The following GLI3 variants were observed in gnomAD, a reference collection of about 807,000 sequenced individuals.
GLI3 encodes transcription activator GLI3.
In GLI3, 20 loss-of-function variants were observed where a neutral mutation model predicts 100.8. The ratio of observed to expected loss-of-function variants is 0.20; its 90% CI spans 0.14 to 0.29. The LOEUF (loss-of-function observed/expected upper bound fraction) is 0.29, where lower values mean the gene tolerates loss of function less well. GLI3 is among the 10% of genes least tolerant of loss of function. The probability of loss-of-function intolerance (pLI) is 1.00; values close to 1 mark genes in which losing one functional copy is unlikely to be tolerated. For synonymous variants in GLI3, 938 were observed against 860.5 expected (o/e 1.09, Z -1.58); for missense variants, 2,040 against 2,128.5 (o/e 0.96, Z 0.82).
At chr7:42,217,262 G>A (rs1458432276) in intron 2 of GLI3, among the ~76,000 whole-genome samples, 1 of 152,154 alleles carries the variant, frequency 6.6e-6, no homozygotes, top group African/African-American at 2.4e-5. Context: ...AGGGGTCAAA[G>A]GTGATGGTGC....
At chr7:41,984,333 G>A (rs1433129017) in intron 10 of GLI3, among the ~76,000 whole-genome samples, 7 of 152,074 alleles carry the variant, frequency 4.6e-5, no homozygotes, top group East Asian at 3.9e-4. Context: ...TCCATGGCTC[G>A]CAGCTCTCCA....
In GLI3 at chr7:42,045,437, G is replaced by A. The variant is rs1784225891; in HGVS notation, c.773C>T (p.Ala258Val). The A allele has an allele frequency of 1.9e-6, 3 of 1,613,894 alleles. No homozygotes were observed. The highest frequency in any genetic ancestry group is 2.5e-6 in the Non-Finnish European group (3 of 1,179,722). Residue 258 changes from alanine to valine, a missense_variant, in exon 6 of 15, where the codon GCT becomes GTT. Coordinates refer to ENST00000395925, the MANE Select transcript of GLI3 (RefSeq NM_000168.6). The stretch of plus-strand genomic sequence containing the variant: ...GATGGCCCCCGTGCCGGCGGTGGCA[G>A]CTGAGGGAATAATGTCTGCATAGGG... Reference protein sequence around the residue: ...RSPYADIIPSAATAGTGAIHM... With the variant: ...RSPYADIIPSVATAGTGAIHM...
At chr7:42,232,662 T>A (rs1035061251) in intron 1 of GLI3, among the ~76,000 whole-genome samples, 11 of 152,226 alleles carry the variant, frequency 7.2e-5, no homozygotes, top group Non-Finnish European at 1.6e-4. Context: ...TTTTCTTTTT[T>A]AATTATGACT....
At chr7:42,225,827 T>A (rs140407180) in intron 1 of GLI3, among the ~76,000 whole-genome samples, 388 of 152,316 alleles carry the variant, frequency 2.5e-3, no homozygotes, top group African/African-American at 8.6e-3. Flanking sequence ...CTCTCCTTCA[T>A]CTGGAAAAGT....
chr7:42,174,843 C>T (rs1415350992), intron 2 of GLI3, among the ~76,000 whole-genome samples: 1 of 152,162 alleles, frequency 6.6e-6, no homozygotes, highest in Non-Finnish European at 1.5e-5. Context: ...TCACTGAACT[C>T]CCCGAGCGCC....
chr7:42,150,611 C>T (rs1277070213), intron 2 of GLI3, among the ~76,000 whole-genome samples: 1 of 152,166 alleles, frequency 6.6e-6, no homozygotes, highest in Non-Finnish European at 1.5e-5. Context: ...CCAGAAAACC[C>T]TTCCTCAGGG....
intron 7 of GLI3, among the ~76,000 whole-genome samples, chr7:42,028,858 A>G (rs1412469936): frequency 6.6e-6 from 1 of 152,130 alleles, no homozygotes; most frequent in Admixed American, 6.6e-5. Flanking sequence ...AAGACTCAGC[A>G]TTCCCACCGC....
intron 3 of GLI3, among the ~76,000 whole-genome samples, chr7:42,114,287 T>C (rs771522469): frequency 8.5e-5 from 13 of 152,212 alleles, no homozygotes; most frequent in Non-Finnish European, 1.5e-4. Flanking sequence ...TTATTGGGTT[T>C]TATCTTGGCT....
At chr7:42,123,104 C>T (rs542628199) in intron 3 of GLI3, among the ~76,000 whole-genome samples, 2 of 152,292 alleles carry the variant, frequency 1.3e-5, no homozygotes, top group South Asian at 4.1e-4. Flanking sequence ...ATTTCAAATG[C>T]GTATGTCTGA....
chr7:42,112,017 G>C (rs1177172518), intron 3 of GLI3, among the ~76,000 whole-genome samples: 1 of 152,184 alleles, frequency 6.6e-6, no homozygotes, highest in Non-Finnish European at 1.5e-5. Context: ...AACCAGTAAA[G>C]ACAGACACAG....
intron 4 of GLI3, among the ~76,000 whole-genome samples, chr7:42,059,579 A>T (rs1784527394): frequency 6.6e-6 from 1 of 152,218 alleles, no homozygotes; most frequent in African/African-American, 2.4e-5. Context: ...CCACAGAAGT[A>T]CCACCTTGAT....
At chr7:42,261,200 A>AACACACACACACACAAACACAC (rs61693928) in intron 1 of GLI3, among the ~76,000 whole-genome samples, 87 of 147,434 alleles carry the variant, frequency 5.9e-4, no homozygotes, top group Middle Eastern at 3.4e-3. Flanking sequence ...CACACACACA[A>AACACACACACACACAAACACAC]ACACACACAC....
Position 42,040,105 on chromosome 7 carries a change from G to C in GLI3, c.961C>G (p.Leu321Val). 1 of 1,614,046 alleles carries C rather than the reference G, an allele frequency of 6.2e-7. No homozygotes were observed. Among genetic ancestry groups the C allele is most frequent in the Non-Finnish European group, 8.5e-7 (1 of 1,179,908 alleles). The change falls in exon 7 of 15, where the codon CTC (leucine) becomes GTC (valine). Residue 321 changes from leucine (L) to valine (V), a missense_variant. By Grantham distance (32) the Leu-to-Val change is conservative. Transcript: ENST00000395925. ...RTSPNSLVTI[L>V]NNSRSSSSAS... ...GAAGAGCTGCTACGGGAATTATTGA[G>C]AATCGTGACCAAGGAGTTGGGAGAC... is the stretch of plus-strand genomic sequence containing the variant.
intron 2 of GLI3, among the ~76,000 whole-genome samples, chr7:42,157,009 C>T (rs1356973754): frequency 6.6e-6 from 1 of 152,162 alleles, no homozygotes; most frequent in Non-Finnish European, 1.5e-5. Flanking sequence ...TTTTAGAGAC[C>T]ATGCTTATGC....
chr7:42,125,176 A>G (rs1786095050), intron 3 of GLI3, among the ~76,000 whole-genome samples: 1 of 152,238 alleles, frequency 6.6e-6, no homozygotes, highest in Admixed American at 6.5e-5. Flanking sequence ...CCTCACGCTA[A>G]CAAGTATTTG....
intron 2 of GLI3, among the ~76,000 whole-genome samples, chr7:42,220,814 T>C (rs1788471581): frequency 6.6e-6 from 1 of 152,262 alleles, no homozygotes; most frequent in Admixed American, 6.5e-5. Context: ...CACTTCCATT[T>C]TTCTTTTATT....
intron 2 of GLI3, among the ~76,000 whole-genome samples, chr7:42,159,947 A>G (rs921142196): frequency 1.3e-5 from 2 of 152,218 alleles, no homozygotes; most frequent in Non-Finnish European, 2.9e-5. Context: ...ATCAACTGCC[A>G]TGTAGTATAA....
chr7:41,966,127 C>A lies in GLI3; in HGVS notation c.2946G>T (p.Gly982=). The A allele has an allele frequency of 1.3e-6, 2 of 1,584,328 alleles. No homozygotes were observed. The highest frequency in any genetic ancestry group is 2.3e-5 in the South Asian group (2 of 88,610). ...PVHAPRRCSD[G]GAHGYGRRHL... ...GGCGCCGCCCGTAGCCGTGGGCTCC[C>A]CCGTCGCTGCACCTCCTCGGGGCAT... The change falls in exon 15 of 15, where the codon GGG becomes GGT. Residue 982 remains glycine, a synonymous_variant. Coordinates refer to ENST00000395925, the MANE Select transcript of GLI3 (RefSeq NM_000168.6). This position sits in a 1 kb window ranked among gnomAD's most constrained non-coding sequence, Gnocchi z 5.8.
At position 42,160,311 on chromosome 7, in the gene GLI3, A is replaced by T. The variant is rs1362199085; in HGVS notation, c.125-11843T>A. On this transcript the variant is annotated intron_variant, in intron 2 of 14. Transcript: ENST00000395925. ...TGTCCAGGTTGAATATCCCTTATTC[A>T]AAATGCTTGAGACCAGAAGTCTTTC... is the stretch of plus-strand genomic sequence containing the variant. Among the ~76,000 whole-genome samples the T allele has an allele frequency of 2.0e-5, 3 of 152,368 alleles. No homozygotes were observed. In the East Asian group the frequency reaches 5.8e-4, roughly 29 times the overall value.
Sources: allele counts gnomAD v4.1 joint callset (sites outside exome capture counted in the v4.1 genomes callset), GRCh38; gene constraint gnomAD v4.1.1; non-coding constraint Gnocchi (gnomAD v3.1); transcripts MANE v1.5; gene names NCBI Gene and HGNC (gene_info 2026-07-23, HGNC 2026-07-21).